The following GPC3 variants were observed in gnomAD, a reference collection of about 807,000 sequenced individuals.
GPC3 encodes glypican-3.
A neutral mutation model predicts 34.4 loss-of-function variants in GPC3; 3 were observed. The ratio of observed to expected loss-of-function variants is 0.09; its 90% CI spans 0.04 to 0.23. The LOEUF is 0.23. Among genes scored for constraint, GPC3 ranks in the 10% least tolerant of loss-of-function variants. The probability of loss-of-function intolerance (pLI) is 1.00; values close to 1 mark genes in which losing one functional copy is unlikely to be tolerated. For synonymous variants in GPC3, 177 were observed against 174.0 expected (o/e 1.02, Z -0.13); for missense variants, 351 against 445.6 (o/e 0.79, Z 1.91).
At chrX:133,647,061 T>G (rs751172774) in intron 6 of GPC3, among the ~76,000 whole-genome samples, 2 of 111,787 alleles carry the variant, frequency 1.8e-5, no homozygotes, top group African/African-American at 6.5e-5. Context: ...AGGTAACATT[T>G]TGTAACTTTT....
At chrX:133,800,071 T>A (rs1348091502) in intron 2 of GPC3, among the ~76,000 whole-genome samples, 1 of 112,404 alleles carries the variant, frequency 8.9e-6, no homozygotes, top group East Asian at 2.8e-4. Flanking sequence ...CCTTGCACTT[T>A]ATTTGATCTG....
At chrX:133,560,194 C>G (rs1032656192) in intron 7 of GPC3, among the ~76,000 whole-genome samples, 3 of 111,664 alleles carry the variant, frequency 2.7e-5, no homozygotes, top group Non-Finnish European at 5.6e-5. Flanking sequence ...TGTAGCTGCT[C>G]TTCAAATGAA....
chrX:133,981,898 C>T (rs949509754), intron 1 of GPC3, among the ~76,000 whole-genome samples: 2 of 112,288 alleles, frequency 1.8e-5, no homozygotes, highest in Admixed American at 9.4e-5. Flanking sequence ...TTGGTTCTCG[C>T]ACTTTCCAAG....
In GPC3 at chrX:133,758,491, T is replaced by C. The variant is rs143947033; in HGVS notation, c.338-4315A>G. 5.1e-4 allele frequency among the ~76,000 whole-genome samples: 57 copies of C among 111,082 alleles called. No homozygotes were observed. The East Asian group carries it at 0.013, about 25-fold the overall frequency. ...GCATGTTCTCATTTGTAAGTGGGAA[T>C]TGAACAATGAGAACACATGGACACA... On this transcript the variant is annotated intron_variant, in intron 2 of 7. Transcript: ENST00000370818.
intron 2 of GPC3, among the ~76,000 whole-genome samples, chrX:133,930,303 G>A (rs1454143906): frequency 8.9e-6 from 1 of 111,835 alleles, no homozygotes; most frequent in Non-Finnish European, 1.9e-5. Context: ...GTGGGTAGAG[G>A]CCAGGGATGC....
chrX:133,809,187 A>G lies in GPC3; in HGVS notation c.338-55011T>C, dbSNP rs938722254. On this transcript the variant is annotated intron_variant, in intron 2 of 7. Transcript: ENST00000370818. ...TGCAGAAAGAAATGACTCAGGGAAA[A>G]AAATAATTGACCAATCCACAGCTAT... Among the ~76,000 whole-genome samples, 4 of 112,325 alleles carry G rather than the reference A, an allele frequency of 3.6e-5. No individual in the cohort carries two copies. In the Admixed American group the frequency reaches 3.8e-4, roughly 11 times the overall value.
intron 3 of GPC3, among the ~76,000 whole-genome samples, chrX:133,728,969 G>A (rs749801750): frequency 9.0e-6 from 1 of 111,664 alleles, no homozygotes; most frequent in African/African-American, 3.3e-5. Flanking sequence ...TTTAGAAAAA[G>A]GACCAGTTTT....
chrX:133,614,172 G>C (rs770727973), intron 6 of GPC3, among the ~76,000 whole-genome samples: 4 of 111,549 alleles, frequency 3.6e-5, no homozygotes, highest in Non-Finnish European at 5.7e-5. Flanking sequence ...AAGCAGGAGA[G>C]AGAAATAGGA....
intron 2 of GPC3, among the ~76,000 whole-genome samples, chrX:133,841,648 G>A (rs965464215): frequency 1.8e-5 from 2 of 111,302 alleles, no homozygotes; most frequent in Non-Finnish European, 3.8e-5. Context: ...CCTCAGCAGT[G>A]GGCACCTGTG....
intron 2 of GPC3, among the ~76,000 whole-genome samples, chrX:133,863,321 G>C (rs1324316930): frequency 8.9e-6 from 1 of 111,966 alleles, no homozygotes; most frequent in Non-Finnish European, 1.9e-5. Context: ...GAAGAACGAT[G>C]CCATCTTTCT....
chrX:133,905,524 C>G (rs932808170), intron 2 of GPC3, among the ~76,000 whole-genome samples: 3 of 111,850 alleles, frequency 2.7e-5, no homozygotes. Context: ...ATACCCATCC[C>G]CGGGAGATCA....
At chrX:133,691,004 G>A (rs58092390) in intron 5 of GPC3, among the ~76,000 whole-genome samples, 1,735 of 111,843 alleles carry the variant, frequency 0.016, 30 homozygotes, top group African/African-American at 0.052. Context: ...GAAAGCAATG[G>A]AGATTAGGAA....
chrX:133,956,862 C>T (rs1386380397), intron 1 of GPC3, among the ~76,000 whole-genome samples: 2 of 111,200 alleles, frequency 1.8e-5, no homozygotes, highest in African/African-American at 3.3e-5. Flanking sequence ...GATGTACCTA[C>T]ATGGGTCCGG....
chrX:133,726,019 C>T (rs1603234071), intron 3 of GPC3, among the ~76,000 whole-genome samples: 1 of 112,086 alleles, frequency 8.9e-6, no homozygotes, highest in African/African-American at 3.2e-5. Context: ...AGACTAGATA[C>T]ATAAACGCTC....
intron 6 of GPC3, among the ~76,000 whole-genome samples, chrX:133,657,939 G>A (rs2070681766): frequency 1.1e-5 from 1 of 95,183 alleles, no homozygotes; most frequent in Admixed American, 1.1e-4. Flanking sequence ...AGAGAGAGGA[G>A]AAGTATTTCT....
At position 133,541,681 on chromosome X, in the gene GPC3, T is replaced by A. The variant is rs77607282; in HGVS notation, c.1574-5388A>T. 4.5e-4 allele frequency among the ~76,000 whole-genome samples: 50 copies of A among 111,856 alleles called. 1 individual carries two copies. The East Asian group carries it at 0.014, about 32-fold the overall frequency. ...AATTGTCAGTCATTAAGGTCTGCAT[T>A]TTTTTGTGTGTTGAAAAGTTTTTCT... On this transcript the variant is annotated intron_variant, in intron 7 of 7. Transcript: ENST00000370818.
chrX:133,948,291 G>A (rs1399702573), intron 2 of GPC3, among the ~76,000 whole-genome samples: 1 of 110,947 alleles, frequency 9.0e-6, no homozygotes, highest in Non-Finnish European at 1.9e-5. Flanking sequence ...TGACAGAAAA[G>A]GGTATTCTAA....
intron 2 of GPC3, among the ~76,000 whole-genome samples, chrX:133,950,988 C>G (rs1055478072): frequency 1.8e-5 from 2 of 108,836 alleles, no homozygotes; most frequent in Non-Finnish European, 3.8e-5. Context: ...GACATAATTT[C>G]ATTGTCTCCA....
At chrX:133,589,884 T>A (rs1183968425) in intron 7 of GPC3, among the ~76,000 whole-genome samples, 5 of 111,666 alleles carry the variant, frequency 4.5e-5, no homozygotes, top group African/African-American at 1.6e-4. Context: ...CTGAGAGAGA[T>A]GAAGTATCCC....
Sources: allele counts gnomAD v4.1 joint callset (sites outside exome capture counted in the v4.1 genomes callset), GRCh38; gene constraint gnomAD v4.1.1; transcripts MANE v1.5; gene names NCBI Gene and HGNC (gene_info 2026-07-23, HGNC 2026-07-21).